Variants in UBN2 observed in about 807,000 individuals in gnomAD.
UBN2 encodes ubinuclein-2.
UBN2 carries 35 observed loss-of-function variants against 120.2 expected under a neutral mutation model. The observed-to-expected ratio is 0.29, with a 90% CI of 0.22 to 0.39. The LOEUF (loss-of-function observed/expected upper bound fraction) is 0.39. Among genes scored for constraint, UBN2 ranks in the 10% least tolerant of loss-of-function variants. UBN2 has a pLI of 1.00. For missense variants in UBN2, 1,693 were observed against 1,663.2 expected (o/e 1.02, Z -0.31); for synonymous variants, 661 against 648.7 (o/e 1.02, Z -0.29).
chr7:139,249,387 G>C (rs981800611), intron 2 of UBN2, among the ~76,000 whole-genome samples: 1 of 152,152 alleles, frequency 6.6e-6, no homozygotes, highest in Non-Finnish European at 1.5e-5. Context: ...GTAAAGTGAT[G>C]ACACCATGTT....
At position 139,231,812 on chromosome 7, in the gene UBN2, C is replaced by G. The variant is rs1318399440; in HGVS notation, c.328C>G (p.Arg110Gly). Residue 110 changes from arginine (R) to glycine (G), a missense_variant, in exon 1 of 18, where the codon CGG becomes GGG. Coordinates refer to ENST00000473989, the MANE Select transcript of UBN2 (RefSeq NM_173569.4). Reference sequence around the variant, plus strand: ...GCTGCCCTTGCAGCCGCCCCCGCCGCGGGAGTCGGCTTCCCGGGCTGAGCA... The same window carrying G: ...GCTGCCCTTGCAGCCGCCCCCGCCGGGGGAGTCGGCTTCCCGGGCTGAGCA... ...PPLPLQPPPP[R>G]ESASRAEQPP... 1 of 1,450,940 alleles carries G rather than the reference C, an allele frequency of 6.9e-7. No individual in the cohort carries two copies. The highest frequency in any genetic ancestry group is 2.5e-5 in the Admixed American group (1 of 40,576). The allele number at this position is 1,450,940 out of a possible 1,614,324, so 89.9% of individuals were successfully genotyped here.
intron 6 of UBN2, among the ~76,000 whole-genome samples, chr7:139,264,796 G>A (rs556018394): frequency 1.3e-4 from 20 of 152,204 alleles, no homozygotes; most frequent in East Asian, 3.9e-4. Context: ...CACCATGTTC[G>A]TTAGGATGTC....
chr7:139,259,301 A>T lies in UBN2; in HGVS notation c.836A>T (p.Lys279Met). The T allele has an allele frequency of 6.2e-7, 1 of 1,613,966 alleles. No individual in the cohort carries two copies. Among genetic ancestry groups the T allele is most frequent in the Non-Finnish European group, 8.5e-7 (1 of 1,179,890 alleles). The change falls in exon 5 of 18, where the codon AAG (lysine) becomes ATG (methionine). Residue 279 changes from lysine to methionine, a missense_variant. Coordinates refer to ENST00000473989, the MANE Select transcript of UBN2 (RefSeq NM_173569.4). ...PKIKEDDIEM[K>M]KRKRKEEGEK... ...ATAAAAGAAGATGATATTGAGATGAAGAAGCGGAAGCGGAAAGAGGAAGGG... is the reference window on the plus strand; with the variant it reads ...ATAAAAGAAGATGATATTGAGATGATGAAGCGGAAGCGGAAAGAGGAAGGG...
intron 3 of UBN2, among the ~76,000 whole-genome samples, chr7:139,255,000 C>T (rs1307917163): frequency 2.0e-5 from 3 of 152,128 alleles, no homozygotes; most frequent in African/African-American, 4.8e-5. Context: ...TGGGGTTGTA[C>T]ACTTTGTGGG....
chr7:139,301,941 T>G lies in UBN2; in HGVS notation c.*4105T>G, dbSNP rs1798268697. On this transcript the variant is annotated 3_prime_UTR_variant, in exon 18 of 18. Transcript: ENST00000473989. Reference sequence around the variant, plus strand: ...GAAGAAAAGTGCAGTAGTAGATAAATGATCACAACATGTTATGCAATTTTA... The same window carrying G: ...GAAGAAAAGTGCAGTAGTAGATAAAGGATCACAACATGTTATGCAATTTTA... 1 of 152,170 alleles carries G rather than the reference T, an allele frequency of 6.6e-6. No individual in the cohort carries two copies. The allele number at this position is 152,170 out of a possible 1,614,324, so 9.4% of individuals were successfully genotyped here.
downstream of UBN2, among the ~76,000 whole-genome samples, chr7:139,311,005 AG>A (rs1183565980): frequency 6.6e-6 from 1 of 152,218 alleles, no homozygotes; most frequent in Non-Finnish European, 1.5e-5. Flanking sequence ...AACAGTCAAA[AG>A]TTTGCTTTGC....
chr7:139,254,027 C>T (rs1327174746), intron 3 of UBN2, among the ~76,000 whole-genome samples: 3 of 152,200 alleles, frequency 2.0e-5, no homozygotes, highest in Non-Finnish European at 4.4e-5. Flanking sequence ...GGTGCGGTGG[C>T]TCACGCCTGT....
chr7:139,292,106 T>G (rs1585030395), intron 15 of UBN2, among the ~76,000 whole-genome samples: 1 of 151,850 alleles, frequency 6.6e-6, no homozygotes, highest in South Asian at 2.1e-4. Flanking sequence ...CAAAAAATGT[T>G]AGCCGGGTAT....
At chr7:139,250,870 G>A (rs1489959896) in intron 2 of UBN2, among the ~76,000 whole-genome samples, 1 of 152,164 alleles carries the variant, frequency 6.6e-6, no homozygotes, top group African/African-American at 2.4e-5. Flanking sequence ...ACTTTGGGAG[G>A]CTGAGGCAGC....
intron 17 of UBN2, among the ~76,000 whole-genome samples, chr7:139,295,923 C>T (rs944020516): frequency 6.6e-6 from 1 of 151,048 alleles, no homozygotes; most frequent in Non-Finnish European, 1.5e-5. Context: ...TCTGTCCCCC[C>T]CAAAAAAAAA....
At chr7:139,232,645 T>C (rs1796059342) in intron 1 of UBN2, among the ~76,000 whole-genome samples, 1 of 152,238 alleles carries the variant, frequency 6.6e-6, no homozygotes. Flanking sequence ...TTCGTTCATA[T>C]TGTAATTGAA....
chr7:139,255,941 T>C (rs1021185170), intron 3 of UBN2, among the ~76,000 whole-genome samples: 2 of 152,258 alleles, frequency 1.3e-5, no homozygotes, highest in Non-Finnish European at 2.9e-5. Context: ...TAAATTTCAC[T>C]AGAACTTTGT....
In UBN2 at chr7:139,258,562, T is replaced by G; in HGVS notation, c.738T>G (p.Phe246Leu). The G allele has an allele frequency of 6.2e-7, 1 of 1,607,872 alleles. No homozygotes were observed. Among genetic ancestry groups the G allele is most frequent in the Non-Finnish European group, 8.5e-7 (1 of 1,176,728 alleles). The change falls in exon 4 of 18, where the codon TTT (phenylalanine) becomes TTG (leucine). Residue 246 changes from phenylalanine (F) to leucine (L), a missense_variant. By Grantham distance (22) the Phe-to-Leu change is conservative. Transcript: ENST00000473989. ...GFYINTGTLQFRQASDTEEDD... is the reference protein window; with the variant it reads ...GFYINTGTLQLRQASDTEEDD... ...ATATCAACACTGGCACTCTACAGTT[T>G]CGCCAAGCTTCAGATACTGAAGAAG...
the UBN2 span, among the ~76,000 whole-genome samples, chr7:139,325,307 A>T: frequency 8.1e-6 from 1 of 123,222 alleles, no homozygotes; most frequent in Admixed American, 1.1e-4. Context: ...TTGCTCTGTC[A>T]CTCAGGCTGG....
intron 3 of UBN2, 144 bp downstream of exon 3, chr7:139,252,201 C>CT: frequency 3.6e-6 from 2 of 552,714 alleles, no homozygotes; most frequent in East Asian, 6.6e-5. Context: ...GATTTCTTTA[C>CT]CCTTTTTTTT....
chr7:139,293,090 G>A (rs1043250098), intron 15 of UBN2, 142 bp from the exon 16 acceptor site: 18 of 662,792 alleles, frequency 2.7e-5, no homozygotes, highest in South Asian at 3.8e-5. Flanking sequence ...GGAACCTACC[G>A]TGGTAATGAA....
the UBN2 span, among the ~76,000 whole-genome samples, chr7:139,316,285 G>T: frequency 6.6e-6 from 1 of 151,852 alleles, no homozygotes; most frequent in Admixed American, 6.6e-5. Context: ...AGTATTTTAA[G>T]TATAATATAC....
At chr7:139,240,465 T>A (rs770565714) in intron 2 of UBN2, among the ~76,000 whole-genome samples, 199 of 145,348 alleles carry the variant, frequency 1.4e-3, no homozygotes, top group African/African-American at 3.3e-3. Context: ...TTTTTTTTTT[T>A]AAATAATTAT....
At chr7:139,252,130 A>G in intron 3 of UBN2, 73 bp downstream of exon 3, 1 of 1,220,702 alleles carries the variant, frequency 8.2e-7, no homozygotes, top group South Asian at 1.2e-5. Flanking sequence ...GGGTAAAGTA[A>G]CTTAAATAGT....
Sources: allele counts gnomAD v4.1 joint callset (sites outside exome capture counted in the v4.1 genomes callset), GRCh38; gene constraint gnomAD v4.1.1; transcripts MANE v1.5; gene names NCBI Gene and HGNC (gene_info 2026-07-23, HGNC 2026-07-21).